The following XXYLT1 variants were observed in gnomAD, a reference collection of about 807,000 sequenced individuals.
XXYLT1 encodes the protein UDP-xylose:alpha-xyloside alpha-1,3-xylosyltransferase.
Under a neutral mutation model 28.9 loss-of-function variants are expected in XXYLT1, and 20 were observed. The ratio of observed to expected loss-of-function variants is 0.69; its 90% confidence interval spans 0.49 to 1.00. The LOEUF (loss-of-function observed/expected upper bound fraction) is 1.00, where lower values mean the gene tolerates loss of function less well. XXYLT1 is among the 50% of genes least tolerant of loss of function. The pLI, the probability that XXYLT1 is intolerant of heterozygous loss-of-function variation, is 0.00. For synonymous variants in XXYLT1, 257 were observed against 253.8 expected (o/e 1.01, Z -0.12); for missense variants, 542 against 560.1 (o/e 0.97, Z 0.33).
chr3:195,078,399 G>A lies in XXYLT1; in HGVS notation c.786-8288C>T, dbSNP rs1487145740. Among the ~76,000 whole-genome samples the A allele has an allele frequency of 6.6e-6, 1 of 152,022 alleles. No homozygotes were observed. Among genetic ancestry groups the A allele is most frequent in the East Asian group, 1.9e-4 (1 of 5,172 alleles). On this transcript the variant is annotated intron_variant, in intron 3 of 3. Coordinates refer to ENST00000310380, the MANE Select transcript of XXYLT1 (RefSeq NM_152531.5). The surrounding 1 kb of genome is among the most constrained non-coding windows in gnomAD (Gnocchi z 5.0). ...GGCCATGGGGGCCTTTTCTGCTGTG[G>A]GAGCTCCTGCAGAGCCACTGAGCTA...
chr3:195,082,177 T>C (rs1715471906), intron 3 of XXYLT1, among the ~76,000 whole-genome samples: 2 of 152,234 alleles, frequency 1.3e-5, no homozygotes. Flanking sequence ...TTATGGGACC[T>C]CAGCAGTGTG....
chr3:195,174,651 C>T (rs1330385362), intron 2 of XXYLT1, among the ~76,000 whole-genome samples: 3 of 150,804 alleles, frequency 2.0e-5, no homozygotes, highest in Non-Finnish European at 4.4e-5. Context: ...TCCTTTCCTT[C>T]CCTCTTTCCC....
At position 195,145,104 on chromosome 3, in the gene XXYLT1, T is replaced by C. The variant is rs1445453959; in HGVS notation, c.785+11345A>G. Among the ~76,000 whole-genome samples the C allele has an allele frequency of 6.6e-5, 10 of 152,356 alleles. 1 individual carries two copies. In the South Asian group the frequency reaches 2.1e-3, roughly 32 times the overall value. ...AGTGAAGAGCTAGAATTATCCTGCT[T>C]TCTTTAGAGTTCCAAGTTCGTGATC... On this transcript the variant is annotated intron_variant, in intron 3 of 3. Transcript: ENST00000310380.
intron 3 of XXYLT1, among the ~76,000 whole-genome samples, chr3:195,075,080 C>T (rs1384113383): frequency 6.6e-6 from 1 of 152,118 alleles, no homozygotes; most frequent in East Asian, 1.9e-4. Flanking sequence ...GACAAAACCC[C>T]GTCTCTACTA....
At chr3:195,079,486 G>T (rs528950177) in intron 3 of XXYLT1, among the ~76,000 whole-genome samples, 1 of 142,316 alleles carries the variant, frequency 7.0e-6, no homozygotes, top group South Asian at 2.1e-4. Flanking sequence ...ATTTAGTGAG[G>T]ACTTACTATG....
At chr3:195,237,074 T>C (rs1315231807) in intron 1 of XXYLT1, among the ~76,000 whole-genome samples, 1 of 152,164 alleles carries the variant, frequency 6.6e-6, no homozygotes, top group Non-Finnish European at 1.5e-5. Flanking sequence ...GGGATGCAAG[T>C]GCTCCCTGAG....
chr3:195,215,498 C>CA (rs1723532775), intron 2 of XXYLT1, among the ~76,000 whole-genome samples: 2 of 127,900 alleles, frequency 1.6e-5, no homozygotes, highest in Non-Finnish European at 3.3e-5. Context: ...CAATGGAAAA[C>CA]AAAAAAAGGC....
intron 3 of XXYLT1, among the ~76,000 whole-genome samples, chr3:195,114,894 C>T (rs1430317657): frequency 6.6e-6 from 1 of 152,242 alleles, no homozygotes; most frequent in African/African-American, 2.4e-5. Flanking sequence ...CTGCCACCTG[C>T]AGAAGGTGCT....
intron 2 of XXYLT1, among the ~76,000 whole-genome samples, chr3:195,170,004 T>TACAGGCATGCGCCA (rs56999393): frequency 0.97 from 145,969 of 150,190 alleles, 70,953 homozygotes; most frequent in East Asian, 1. Flanking sequence ...TAGCTGGGAT[T>TACAGGCATGCGCCA]TCATGCCCGG....
chr3:195,239,229 A>G (rs935415208), intron 1 of XXYLT1, among the ~76,000 whole-genome samples: 1 of 152,230 alleles, frequency 6.6e-6, no homozygotes, highest in East Asian at 1.9e-4. Context: ...CAGGCCTCCC[A>G]AAGACTAAAA....
intron 2 of XXYLT1, among the ~76,000 whole-genome samples, chr3:195,212,558 C>T (rs1007794125): frequency 6.6e-6 from 1 of 152,120 alleles, no homozygotes; most frequent in African/African-American, 2.4e-5. Context: ...CGGTGGGAGG[C>T]GGGCCAGTGA....
At chr3:195,175,318 C>T (rs1187832624) in intron 2 of XXYLT1, among the ~76,000 whole-genome samples, 4 of 152,252 alleles carry the variant, frequency 2.6e-5, no homozygotes, top group Non-Finnish European at 5.9e-5. Flanking sequence ...TGGCTGAGCA[C>T]CAGCCCGGCG....
intron 3 of XXYLT1, among the ~76,000 whole-genome samples, chr3:195,146,153 G>A (rs1037324617): frequency 6.6e-6 from 1 of 152,210 alleles, no homozygotes. Context: ...CACCTGAGAT[G>A]GCCATGGAGC....
Position 195,168,612 on chromosome 3 carries a change from C to T in XXYLT1, c.653-12031G>A, listed in dbSNP as rs771982492. On this transcript the variant is annotated intron_variant, in intron 2 of 3. Transcript: ENST00000310380. The surrounding 1 kb of genome is among the most constrained non-coding windows in gnomAD (Gnocchi z 4.3). ...GAGGGCCCTGCCTATGAAGGAGAACCAGAGACTGGGAGGTGCTGGGACCTG... is the reference window on the plus strand; with the variant it reads ...GAGGGCCCTGCCTATGAAGGAGAACTAGAGACTGGGAGGTGCTGGGACCTG... Among the ~76,000 whole-genome samples, 24 of 152,182 alleles carry T rather than the reference C, an allele frequency of 1.6e-4. No individual in the cohort carries two copies. Among genetic ancestry groups the T allele is most frequent in the Non-Finnish European group, 3.2e-4 (22 of 68,030 alleles).
intron 3 of XXYLT1, among the ~76,000 whole-genome samples, chr3:195,103,921 C>T (rs1716946285): frequency 1.3e-5 from 2 of 152,234 alleles, no homozygotes; most frequent in South Asian, 4.1e-4. Context: ...CCTGCCTAAC[C>T]CTGTGGCCTC....
chr3:195,083,902 C>G (rs1232725736), intron 3 of XXYLT1, among the ~76,000 whole-genome samples: 1 of 152,008 alleles, frequency 6.6e-6, no homozygotes, highest in Non-Finnish European at 1.5e-5. Context: ...GGCAGGCACC[C>G]GTAGTCCCAG....
At chr3:195,234,399 C>A (rs560583259) in intron 1 of XXYLT1, among the ~76,000 whole-genome samples, 3 of 144,186 alleles carry the variant, frequency 2.1e-5, no homozygotes, top group African/African-American at 7.9e-5. Context: ...CTCACTGCAA[C>A]CTCTTGCCTC....
At position 195,270,842 on chromosome 3, in the gene XXYLT1, G is replaced by C. The variant is rs1477723843; in HGVS notation, c.217C>G (p.Leu73Val). 31 of 1,422,286 alleles carry C rather than the reference G, an allele frequency of 2.2e-5. No homozygotes were observed. The Admixed American group carries it at 3.5e-4, about 16-fold the overall frequency. The allele number at this position is 1,422,286 out of a possible 1,614,324, so 88.1% of individuals were successfully genotyped here. Residue 73 changes from leucine to valine, a missense_variant, in exon 1 of 4, where the codon CTA becomes GTA. By Grantham distance (32) the Leu-to-Val change is conservative. Coordinates refer to ENST00000310380, the MANE Select transcript of XXYLT1 (RefSeq NM_152531.5). ...PAAPSPPALE[L>V]ARGSVAPAPG... Reference sequence around the variant, plus strand: ...GCTGGCGCCACGGAGCCCCGCGCTAGCTCCAGCGCGGGCGGCGAGGGCGCG... The same window carrying C: ...GCTGGCGCCACGGAGCCCCGCGCTACCTCCAGCGCGGGCGGCGAGGGCGCG...
rs746478807 is a variant in XXYLT1 at position 195,139,624 on chromosome 3, T to C, written c.785+16825A>G. On this transcript the variant is annotated intron_variant, in intron 3 of 3. Transcript: ENST00000310380. The stretch of plus-strand genomic sequence containing the variant: ...TGGCCCTTAGCAGGTCCTGAAGAAG[T>C]AACTGTGGAATTCTTTACTAGATAA... 4.5e-4 allele frequency among the ~76,000 whole-genome samples: 69 copies of C among 152,136 alleles called. No individual in the cohort carries two copies. The Middle Eastern group carries it at 0.017, about 37-fold the overall frequency.
Sources: gnomAD v4.1 joint callset for allele counts (sites outside exome capture counted in the v4.1 genomes callset) on GRCh38, gnomAD v4.1.1 for gene constraint, Gnocchi (gnomAD v3.1) non-coding constraint, MANE v1.5 for transcripts, NCBI Gene and HGNC (gene_info 2026-07-23, HGNC 2026-07-21) for gene names.